The following ELOVL2 variants were observed in gnomAD, a reference collection of about 807,000 sequenced individuals.
ELOVL2 encodes ELOVL fatty acid elongase 2.
ELOVL2 carries 38 observed loss-of-function variants against 37.7 expected under a neutral mutation model. That is an observed-to-expected ratio of 1.01 (90% confidence interval 0.78 to 1.32). The LOEUF (loss-of-function observed/expected upper bound fraction) is 1.32. Among genes scored for constraint, ELOVL2 ranks in the 40% most tolerant of loss-of-function variants. ELOVL2 has a pLI of 0.00. For synonymous variants in ELOVL2, 115 were observed against 122.3 expected, an observed-to-expected ratio of 0.94 and a Z score of 0.40; for missense variants, 352 against 363.6, an observed-to-expected ratio of 0.97 and a Z score of 0.26.
chr6:10,995,902 GTA>G (rs1005879004), intron 4 of ELOVL2, among the ~76,000 whole-genome samples: 2 of 152,140 alleles, frequency 1.3e-5, no homozygotes, highest in African/African-American at 4.8e-5. Context: ...CTCTTCTAAA[GTA>G]TATATGTTTT....
Position 11,028,863 on chromosome 6 carries a change from G to C in ELOVL2, c.3+15365C>G, listed in dbSNP as rs1334368052. 2.6e-5 allele frequency among the ~76,000 whole-genome samples: 4 copies of C among 151,842 alleles called. No homozygotes were observed. The East Asian group carries it at 7.7e-4, about 29-fold the overall frequency. On this transcript the variant is annotated intron_variant, in intron 1 of 7. Transcript: ENST00000354666. ...CCCCCTTTGACAGATCAGGAAAATG[G>C]GACTTAAGAGAGGTAAAGCAACTTG...
intron 1 of ELOVL2, among the ~76,000 whole-genome samples, chr6:11,040,469 C>A (rs1192614979): frequency 2.6e-5 from 4 of 151,952 alleles, no homozygotes; most frequent in African/African-American, 7.3e-5. Context: ...ATGGAAAAAT[C>A]TTTTTCTGCA....
chr6:10,997,195 A>G (rs1283190665), intron 4 of ELOVL2, among the ~76,000 whole-genome samples: 3 of 152,208 alleles, frequency 2.0e-5, no homozygotes, highest in African/African-American at 4.8e-5. Flanking sequence ...CCAATCTAGT[A>G]TTTATCAATT....
intron 7 of ELOVL2, among the ~76,000 whole-genome samples, chr6:10,987,574 A>G (rs868568232): frequency 5.3e-5 from 8 of 152,278 alleles, no homozygotes; most frequent in Middle Eastern, 6.8e-3. Context: ...GTTTCAAAGA[A>G]CATCTTTCTT....
intron 1 of ELOVL2, among the ~76,000 whole-genome samples, chr6:11,015,405 G>C (rs967650728): frequency 6.6e-6 from 1 of 152,052 alleles, no homozygotes; most frequent in African/African-American, 2.4e-5. Flanking sequence ...CTATGTAATT[G>C]AAGAGCCATA....
At chr6:10,999,995 C>G in intron 4 of ELOVL2, 92 bp downstream of exon 4, 1 of 1,113,354 alleles carries the variant, frequency 9.0e-7, no homozygotes, top group Non-Finnish European at 1.4e-6. Context: ...TTATCTAATT[C>G]TAGCCTCAGC....
intron 5 of ELOVL2, among the ~76,000 whole-genome samples, chr6:10,993,460 C>T (rs565096776): frequency 2.0e-3 from 301 of 152,296 alleles, no homozygotes; most frequent in Non-Finnish European, 3.2e-3. Flanking sequence ...TTTTCATATA[C>T]AAGTGGGACC....
chr6:10,993,839 C>T (rs1298956009), intron 5 of ELOVL2, among the ~76,000 whole-genome samples: 6 of 149,238 alleles, frequency 4.0e-5, no homozygotes, highest in East Asian at 4.0e-4. Context: ...TACAAGTGCA[C>T]GTCACCACGC....
intron 1 of ELOVL2, among the ~76,000 whole-genome samples, chr6:11,012,964 T>C (rs1366860775): frequency 6.6e-6 from 1 of 152,206 alleles, no homozygotes; most frequent in East Asian, 1.9e-4. Flanking sequence ...AAACATACTT[T>C]AATTTAGATC....
chr6:11,012,934 A>G (rs991082543), intron 1 of ELOVL2, among the ~76,000 whole-genome samples: 2 of 152,216 alleles, frequency 1.3e-5, no homozygotes, highest in East Asian at 3.8e-4. Context: ...ATTATAAGAG[A>G]TGTGCTATAA....
chr6:10,987,217 C>A (rs747619333), intron 7 of ELOVL2, among the ~76,000 whole-genome samples: 9 of 152,202 alleles, frequency 5.9e-5, no homozygotes, highest in Non-Finnish European at 1.0e-4. Context: ...TTTTTTATTG[C>A]ATCTATTTGA....
At chr6:11,028,445 G>C (rs892536584) in intron 1 of ELOVL2, among the ~76,000 whole-genome samples, 1 of 152,184 alleles carries the variant, frequency 6.6e-6, no homozygotes, top group Non-Finnish European at 1.5e-5. Flanking sequence ...TCCGTCCAGA[G>C]AAACTGTCTC....
At position 10,983,915 on chromosome 6, in the gene ELOVL2, T is replaced by C. The variant is rs376180925; in HGVS notation, c.766-9A>G. 15 of 1,602,078 alleles carry C rather than the reference T, an allele frequency of 9.4e-6. No individual in the cohort carries two copies. The highest frequency in any genetic ancestry group is 1.0e-5 in the Non-Finnish European group (12 of 1,175,484). On this transcript the variant is annotated splice_polypyrimidine_tract_variant and intron_variant, in intron 7 of 7. Transcript: ENST00000354666. ...GGCTTTTTTCGGTATGTCTGTTGGA[T>C]GTGTATATTTTGAAGAGAAAAATAA...
intron 3 of ELOVL2, 57 bp from the exon 4 acceptor site, chr6:11,000,221 A>C: frequency 6.7e-7 from 1 of 1,503,110 alleles, no homozygotes; most frequent in Non-Finnish European, 9.2e-7. Context: ...ATTTGGATAC[A>C]GACTGAATTT....
chr6:11,036,107 C>A (rs1435375194), intron 1 of ELOVL2, among the ~76,000 whole-genome samples: 1 of 152,094 alleles, frequency 6.6e-6, no homozygotes. Context: ...CTGTCTTACA[C>A]GAAGCAAGTA....
In ELOVL2 at chr6:10,982,302, C is replaced by T. The variant is rs921334809; in HGVS notation, c.*1479G>A. The T allele has an allele frequency of 3.3e-5, 5 of 151,814 alleles. No individual in the cohort carries two copies. The highest frequency in any genetic ancestry group is 9.7e-5 in the African/African-American group (4 of 41,286). The allele number at this position is 151,814 out of a possible 1,614,324, so 9.4% of individuals were successfully genotyped here. A position where few individuals can be genotyped will look rare whatever the true frequency, so the allele number is the denominator to read the frequency against. ...CTAGAGCTCAGGGGGGAAAAAAAGC[C>T]GAGAGAGAAAGGCACTCTGGACGCT... On this transcript the variant is annotated 3_prime_UTR_variant, in exon 8 of 8. Coordinates refer to ENST00000354666, the MANE Select transcript of ELOVL2 (RefSeq NM_017770.4).
Position 10,989,684 on chromosome 6 carries a change from A to G in ELOVL2, c.765+19T>C, listed in dbSNP as rs1271010625. 1.2e-6 allele frequency: 2 copies of G among 1,611,148 alleles called. No individual in the cohort carries two copies. Among genetic ancestry groups the G allele is most frequent in the East Asian group, 2.2e-5 (1 of 44,844 alleles). ...CCAATCGATTACATTTTACTGCTGA[A>G]TATTTACATTCCACGTACCTGAACG... On this transcript the variant is annotated intron_variant, in intron 7 of 7. Coordinates refer to ENST00000354666, the MANE Select transcript of ELOVL2 (RefSeq NM_017770.4).
chr6:11,021,416 T>C (rs1274063618), intron 1 of ELOVL2, among the ~76,000 whole-genome samples: 1 of 152,164 alleles, frequency 6.6e-6, no homozygotes, highest in Non-Finnish European at 1.5e-5. Flanking sequence ...GGCTAGAAAA[T>C]CTCAAGGGTC....
chr6:11,032,528 T>G (rs1274866128), intron 1 of ELOVL2, among the ~76,000 whole-genome samples: 1 of 152,158 alleles, frequency 6.6e-6, no homozygotes, highest in Non-Finnish European at 1.5e-5. Context: ...CCTCAAACAA[T>G]TACAAAATAC....
Sources: allele counts gnomAD v4.1 joint callset (sites outside exome capture counted in the v4.1 genomes callset), GRCh38; gene constraint gnomAD v4.1.1; transcripts MANE v1.5; gene names NCBI Gene and HGNC (gene_info 2026-07-23, HGNC 2026-07-21).